Variants in IL1RAPL2 observed in about 807,000 individuals in gnomAD.
The protein encoded by IL1RAPL2 is interleukin 1 receptor accessory protein like 2, also known as X-linked interleukin-1 receptor accessory protein-like 2.
IL1RAPL2 carries 3 observed loss-of-function variants against 44.1 expected under a neutral mutation model. That is an observed-to-expected ratio of 0.07 (90% CI 0.03 to 0.18). IL1RAPL2 has a LOEUF of 0.18. IL1RAPL2 is among the 10% of genes least tolerant of loss of function. The pLI is 1.00. For synonymous variants in IL1RAPL2, 181 were observed against 178.8 expected (o/e 1.01, Z -0.10); for missense variants, 391 against 496.4 (o/e 0.79, Z 2.02).
At chrX:104,806,966 A>G (rs1377149405) in intron 2 of IL1RAPL2, among the ~76,000 whole-genome samples, 3 of 111,391 alleles carry the variant, frequency 2.7e-5, no homozygotes, top group Non-Finnish European at 3.8e-5. Flanking sequence ...CAGGATAGTG[A>G]TAAGATGGCA....
At chrX:104,920,152 C>A (rs1924590413) in intron 2 of IL1RAPL2, among the ~76,000 whole-genome samples, 1 of 111,439 alleles carries the variant, frequency 9.0e-6, no homozygotes, top group East Asian at 2.9e-4. Flanking sequence ...GTAGTAAATA[C>A]AGTCTCGAAG....
intron 2 of IL1RAPL2, among the ~76,000 whole-genome samples, chrX:104,973,553 C>T (rs1313573174): frequency 1.8e-5 from 2 of 111,816 alleles, no homozygotes; most frequent in Non-Finnish European, 3.8e-5. Flanking sequence ...CACTGAGAAG[C>T]TTTCAAAAGA....
chrX:104,701,011 A>G (rs748595535), intron 2 of IL1RAPL2, among the ~76,000 whole-genome samples: 1 of 109,246 alleles, frequency 9.2e-6, no homozygotes, highest in East Asian at 2.9e-4. Context: ...GGCAGTTACA[A>G]TTTGTTAATG....
At chrX:104,634,361 C>T (rs1477341648) in intron 1 of IL1RAPL2, among the ~76,000 whole-genome samples, 2 of 111,295 alleles carry the variant, frequency 1.8e-5, no homozygotes, top group African/African-American at 6.5e-5. Context: ...CTATTAGGTC[C>T]ACTTGGTGCA....
At chrX:105,162,322 C>T (rs7881764) in intron 2 of IL1RAPL2, among the ~76,000 whole-genome samples, 9,581 of 111,593 alleles carry the variant, frequency 0.086, 995 homozygotes, top group African/African-American at 0.3. Flanking sequence ...AAATGGAAGA[C>T]ATTAATTTTT....
At chrX:105,376,981 G>A (rs571433032) in intron 5 of IL1RAPL2, among the ~76,000 whole-genome samples, 71 of 112,070 alleles carry the variant, frequency 6.3e-4, no homozygotes, top group Middle Eastern at 4.7e-3. Flanking sequence ...TAAAATGTTT[G>A]AGCAGCATAA....
At chrX:105,591,488 A>G (rs1365540281) in intron 6 of IL1RAPL2, among the ~76,000 whole-genome samples, 1 of 109,442 alleles carries the variant, frequency 9.1e-6, no homozygotes, top group Admixed American at 9.8e-5. Context: ...TTGTTTCTCT[A>G]TTTCCTGCTG....
At chrX:105,005,753 C>G (rs990511284) in intron 2 of IL1RAPL2, among the ~76,000 whole-genome samples, 1 of 110,690 alleles carries the variant, frequency 9.0e-6, no homozygotes, top group African/African-American at 3.3e-5. Flanking sequence ...TTTCTACTTC[C>G]TCAGCTAGTT....
chrX:105,760,011 A>G (rs2038673691), intron 10 of IL1RAPL2, among the ~76,000 whole-genome samples: 1 of 111,614 alleles, frequency 9.0e-6, no homozygotes, highest in Non-Finnish European at 1.9e-5. Context: ...GAAATTTAAC[A>G]TATTGTGTGA....
At chrX:104,594,832 G>C (rs1928735141) in intron 1 of IL1RAPL2, among the ~76,000 whole-genome samples, 2 of 111,265 alleles carry the variant, frequency 1.8e-5, no homozygotes, top group Admixed American at 1.9e-4. Context: ...AGGGGACAAA[G>C]GGACAGTAGG....
intron 6 of IL1RAPL2, among the ~76,000 whole-genome samples, chrX:105,600,345 T>C (rs893610239): frequency 9.0e-6 from 1 of 110,575 alleles, no homozygotes; most frequent in Non-Finnish European, 1.9e-5. Context: ...TTATAGGATA[T>C]GAACCCTGAT....
At chrX:105,062,794 T>C (rs2032091558) in intron 2 of IL1RAPL2, among the ~76,000 whole-genome samples, 1 of 111,908 alleles carries the variant, frequency 8.9e-6, no homozygotes. Context: ...CTCAGAAGTC[T>C]GCTGCCAGAT....
At chrX:105,366,409 T>A (rs943013463) in intron 5 of IL1RAPL2, among the ~76,000 whole-genome samples, 2 of 110,690 alleles carry the variant, frequency 1.8e-5, no homozygotes, top group Non-Finnish European at 1.9e-5. Flanking sequence ...AGTTTGGGCT[T>A]AGTGTATGAT....
chrX:104,834,757 G>A (rs757979785), intron 2 of IL1RAPL2, among the ~76,000 whole-genome samples: 3 of 111,794 alleles, frequency 2.7e-5, no homozygotes, highest in South Asian at 3.7e-4. Context: ...TGAGCACCAC[G>A]ACTATGTCAC....
At chrX:104,837,959 T>C (rs1471581227) in intron 2 of IL1RAPL2, among the ~76,000 whole-genome samples, 1 of 112,136 alleles carries the variant, frequency 8.9e-6, no homozygotes, top group Non-Finnish European at 1.9e-5. Context: ...TAACCAGTTT[T>C]CCCAGGACCA....
At chrX:105,402,118 A>C (rs987135676) in intron 5 of IL1RAPL2, among the ~76,000 whole-genome samples, 1 of 111,524 alleles carries the variant, frequency 9.0e-6, no homozygotes, top group African/African-American at 3.3e-5. Flanking sequence ...AACTTTCAAA[A>C]ATGAAAATAA....
intron 5 of IL1RAPL2, chrX:105,406,147 A>G: frequency 8.5e-7 from 1 of 1,171,893 alleles, no homozygotes; most frequent in Non-Finnish European, 1.2e-6. Flanking sequence ...GTTTGTTTAT[A>G]AAGACAAATG....
chrX:104,601,532 C>G (rs1433416516), intron 1 of IL1RAPL2, among the ~76,000 whole-genome samples: 1 of 111,838 alleles, frequency 8.9e-6, no homozygotes, highest in East Asian at 2.8e-4. Context: ...TCACACAGAT[C>G]ACCATTTGAC....
intron 2 of IL1RAPL2, among the ~76,000 whole-genome samples, chrX:104,678,037 A>T (rs192880867): frequency 8.4e-4 from 95 of 112,579 alleles, no homozygotes; most frequent in African/African-American, 2.9e-3. Flanking sequence ...TCAGATGGAA[A>T]TGCAGAAATC....
Sources: gnomAD v4.1 joint callset for allele counts (sites outside exome capture counted in the v4.1 genomes callset) on GRCh38, gnomAD v4.1.1 for gene constraint, MANE v1.5 for transcripts, NCBI Gene and HGNC (gene_info 2026-07-23, HGNC 2026-07-21) for gene names.